SDK1: variants seen among roughly 807,000 people sequenced by gnomAD.
The protein encoded by SDK1 is protein sidekick-1.
A neutral mutation model predicts 245.5 loss-of-function variants in SDK1; 157 were observed. The observed-to-expected ratio is 0.64, with a 90% confidence interval of 0.56 to 0.73. SDK1 has a LOEUF of 0.73. Among genes scored for constraint, SDK1 ranks in the 30% least tolerant of loss-of-function variants. The probability of loss-of-function intolerance (pLI) is 0.00; values close to 1 mark genes in which losing one functional copy is unlikely to be tolerated. For missense variants in SDK1, 3,583 were observed against 3,002.3 expected, an observed-to-expected ratio of 1.19 and a Z score of -4.52; for synonymous variants, 1,647 against 1,278.5, an observed-to-expected ratio of 1.29 and a Z score of -6.15.
intron 5 of SDK1, among the ~76,000 whole-genome samples, chr7:3,886,089 C>A (rs1781332489): frequency 6.6e-6 from 1 of 152,168 alleles, no homozygotes; most frequent in African/African-American, 2.4e-5. Flanking sequence ...CCCGCAGAGA[C>A]CTGCAGCTCA....
chr7:3,744,725 T>C (rs574808730), intron 4 of SDK1, among the ~76,000 whole-genome samples: 165 of 151,886 alleles, frequency 1.1e-3, no homozygotes, highest in Non-Finnish European at 2.0e-3. Flanking sequence ...GGCAGGAGAA[T>C]GGCGTGAACC....
At chr7:3,519,719 T>A (rs930027648) in intron 1 of SDK1, among the ~76,000 whole-genome samples, 3 of 152,164 alleles carry the variant, frequency 2.0e-5, no homozygotes, top group Non-Finnish European at 4.4e-5. Context: ...TAATTTTAAA[T>A]CCATTTATAT....
chr7:3,889,094 A>C (rs1035516032), intron 5 of SDK1, among the ~76,000 whole-genome samples: 4 of 152,204 alleles, frequency 2.6e-5, no homozygotes, highest in Non-Finnish European at 5.9e-5. Context: ...AAGCTCAAAA[A>C]CCCAGTAGCA....
chr7:3,997,155 T>C (rs111632602), intron 14 of SDK1, among the ~76,000 whole-genome samples: 15 of 152,224 alleles, frequency 9.9e-5, no homozygotes, highest in Non-Finnish European at 4.4e-5. Flanking sequence ...TATTGGAAAT[T>C]GTTACGGGAT....
intron 1 of SDK1, among the ~76,000 whole-genome samples, chr7:3,560,526 G>C (rs1383770502): frequency 1.3e-5 from 2 of 152,016 alleles, no homozygotes; most frequent in Non-Finnish European, 2.9e-5. Flanking sequence ...TCCTACTACT[G>C]CTACCAATCT....
In SDK1 at chr7:4,233,301, C is replaced by T. The variant is rs1785918374; in HGVS notation, c.5874C>T (p.Ala1958=). 2 of 1,613,852 alleles carry T rather than the reference C, an allele frequency of 1.2e-6. No homozygotes were observed. Among genetic ancestry groups the T allele is most frequent in the East Asian group, 4.5e-5 (2 of 44,890 alleles). Residue 1958 remains alanine, a synonymous_variant, in exon 41 of 45, where the codon GCC becomes GCT. Coordinates refer to ENST00000404826, the MANE Select transcript of SDK1 (RefSeq NM_152744.4). ...TTGTGAAGGACATCCCGCGGAGCGC[C>T]ACATCCTACACCCTCAGCCTGGATA... ...DMFVKDIPRS[A]TSYTLSLDKL... is the part of the protein sequence containing the mutation.
At chr7:3,712,524 C>A (rs1301143662) in intron 4 of SDK1, among the ~76,000 whole-genome samples, 1 of 152,176 alleles carries the variant, frequency 6.6e-6, no homozygotes, top group Non-Finnish European at 1.5e-5. Context: ...AAACCATCCC[C>A]CAACCCTCTG....
chr7:3,315,541 G>T (rs1270811671), intron 1 of SDK1, among the ~76,000 whole-genome samples: 1 of 152,128 alleles, frequency 6.6e-6, no homozygotes, highest in Non-Finnish European at 1.5e-5. Context: ...TGTGGAAGTC[G>T]CATATTATAA....
At chr7:3,315,669 C>T (rs77233958) in intron 1 of SDK1, among the ~76,000 whole-genome samples, 5,939 of 152,106 alleles carry the variant, frequency 0.039, 351 homozygotes, top group African/African-American at 0.13. Flanking sequence ...CCTGAATGTT[C>T]TAAGTTTTCA....
rs911108528 is a variant in SDK1 at position 4,226,417 on chromosome 7, T to C, written c.5827+5053T>C. On this transcript the variant is annotated intron_variant, in intron 40 of 44. Transcript: ENST00000404826. The stretch of plus-strand genomic sequence containing the variant: ...CTTTGCAGAGGGTGGCCAGCGGGCC[T>C]GGGCAGCCCGGGCAGATGGTAGTGG... Among the ~76,000 whole-genome samples the C allele has an allele frequency of 3.9e-5, 6 of 152,352 alleles. No homozygotes were observed. In the East Asian group the frequency reaches 1.2e-3, roughly 29 times the overall value.
chr7:3,745,635 C>G (rs920648261), intron 4 of SDK1, among the ~76,000 whole-genome samples: 2 of 152,058 alleles, frequency 1.3e-5, no homozygotes, highest in South Asian at 4.1e-4. Flanking sequence ...GCAACTGATC[C>G]GCCATGACAG....
chr7:3,938,866 C>T (rs191361808), intron 5 of SDK1, among the ~76,000 whole-genome samples: 209 of 152,260 alleles, frequency 1.4e-3, no homozygotes, highest in African/African-American at 4.9e-3. Flanking sequence ...TTTCTCTGCC[C>T]AGTAAAAAGC....
intron 35 of SDK1, among the ~76,000 whole-genome samples, chr7:4,192,601 GT>G (rs1419236694): frequency 3.3e-5 from 5 of 152,164 alleles, no homozygotes; most frequent in African/African-American, 1.2e-4. Flanking sequence ...ATTGAAGTAT[GT>G]TCCGTGTTTT....
At chr7:3,909,920 T>A (rs889764444) in intron 5 of SDK1, among the ~76,000 whole-genome samples, 1 of 152,180 alleles carries the variant, frequency 6.6e-6, no homozygotes, top group Non-Finnish European at 1.5e-5. Context: ...ATTATGCATC[T>A]ACACCCCGGG....
At chr7:3,577,852 C>G (rs1780343152) in intron 1 of SDK1, among the ~76,000 whole-genome samples, 1 of 151,984 alleles carries the variant, frequency 6.6e-6, no homozygotes, top group Non-Finnish European at 1.5e-5. Context: ...CCTGCATTGC[C>G]TGGCAGCTCC....
intron 1 of SDK1, among the ~76,000 whole-genome samples, chr7:3,579,712 A>T (rs1483385698): frequency 2.0e-5 from 3 of 152,332 alleles, no homozygotes; most frequent in African/African-American, 7.2e-5. Context: ...ACACCCTGTC[A>T]GTTGGAATGT....
chr7:4,242,234 C>G (rs995772799), intron 43 of SDK1, among the ~76,000 whole-genome samples: 1 of 152,262 alleles, frequency 6.6e-6, no homozygotes, highest in Non-Finnish European at 1.5e-5. Context: ...TGGATCTGGG[C>G]GTTCCTAGTT....
At chr7:3,732,664 A>C (rs1779213958) in intron 4 of SDK1, among the ~76,000 whole-genome samples, 1 of 152,242 alleles carries the variant, frequency 6.6e-6, no homozygotes, top group Non-Finnish European at 1.5e-5. Context: ...TGTCTCCTTC[A>C]TTCCTTTAAC....
chr7:3,370,531 T>C (rs374689477), intron 1 of SDK1, among the ~76,000 whole-genome samples: 12 of 152,334 alleles, frequency 7.9e-5, no homozygotes, highest in South Asian at 4.1e-4. Flanking sequence ...CAGACTGTTA[T>C]GTTTGACATT....
Sources: allele counts gnomAD v4.1 joint callset (sites outside exome capture counted in the v4.1 genomes callset), GRCh38; gene constraint gnomAD v4.1.1; transcripts MANE v1.5; gene names NCBI Gene and HGNC (gene_info 2026-07-23, HGNC 2026-07-21).